CCDC77: variants seen among roughly 807,000 people sequenced by gnomAD.
CCDC77 encodes coiled-coil domain containing 77.
CCDC77 carries 56 observed loss-of-function variants against 66.8 expected under a neutral mutation model. That is an observed-to-expected ratio of 0.84 (90% confidence interval 0.68 to 1.05). CCDC77 has a LOEUF of 1.05. CCDC77 is among the 50% of genes least tolerant of loss of function. The pLI is 0.00. For missense variants in CCDC77, 570 were observed against 576.8 expected, an observed-to-expected ratio of 0.99 and a Z score of 0.12; for synonymous variants, 196 against 195.2, an observed-to-expected ratio of 1.00 and a Z score of -0.03.
chr12:441,666 C>G, intron 12 of CCDC77, 108 bp from the exon 13 acceptor site: 2 of 1,196,940 alleles, frequency 1.7e-6, no homozygotes. Flanking sequence ...CCTATGTACT[C>G]AAAATCTCAC....
chr12:391,910 G>A (rs1155942), intron 1 of CCDC77, among the ~76,000 whole-genome samples: 7 of 152,224 alleles, frequency 4.6e-5, no homozygotes, highest in African/African-American at 1.7e-4. Flanking sequence ...AGAAACTTCT[G>A]TAGTTACAAC....
At position 436,457 on chromosome 12, in the gene CCDC77, C is replaced by G. The variant is rs561076307; in HGVS notation, c.822-1878C>G. ...GCCAAGCTGGTCTCGATCCTGACCT[C>G]AGGTAACCTGCCCACCTCAGCCTCC... On this transcript the variant is annotated intron_variant, in intron 9 of 12. Transcript: ENST00000239830. Among the ~76,000 whole-genome samples, 8 of 152,226 alleles carry G rather than the reference C, an allele frequency of 5.3e-5. No homozygotes were observed. The South Asian group carries it at 1.5e-3, about 28-fold the overall frequency.
rs1565569230 is a variant in CCDC77 at position 416,385 on chromosome 12, A to ATG, written c.271-2108_271-2107insGT. ...TGTGTGTGTGTGTGTGTGTATATAT[A>ATG]TATATATATATATATATATATATAT... On this transcript the variant is annotated intron_variant, in intron 4 of 12. Transcript: ENST00000239830. Among the ~76,000 whole-genome samples the ATG allele has an allele frequency of 4.6e-3, 149 of 32,136 alleles. 6 individuals are homozygous for ATG. The highest frequency in any genetic ancestry group is 5.4e-3 in the African/African-American group (33 of 6,068). 21.1% of individuals were successfully genotyped at this position (32,136 alleles called of 152,430 possible). A position where few individuals can be genotyped will look rare whatever the true frequency, so the allele number is the denominator to read the frequency against.
chr12:411,765 A>G lies in CCDC77; in HGVS notation c.57A>G (p.Lys19=). ...PVCRKRTVVS[K]RGVAVSGPTK... is the part of the protein sequence containing the mutation. ...CACGTAGGCGAACAGTTGTCTCCAAACGTGGTGTTGCCGTCAGTGGTCCCA... is the reference window on the plus strand; with the variant it reads ...CACGTAGGCGAACAGTTGTCTCCAAGCGTGGTGTTGCCGTCAGTGGTCCCA... The change falls in exon 4 of 13, where the codon AAA becomes AAG. Residue 19 remains lysine, a synonymous_variant. Transcript: ENST00000239830. 6.2e-7 allele frequency: 1 copy of G among 1,613,634 alleles called. No individual in the cohort carries two copies. Among genetic ancestry groups the G allele is most frequent in the South Asian group, 1.1e-5 (1 of 91,052 alleles).
In CCDC77 at chr12:429,798, A is replaced by T. The variant is rs560429169; in HGVS notation, c.511-866A>T. Among the ~76,000 whole-genome samples the T allele has an allele frequency of 3.8e-3, 570 of 151,912 alleles. 4 individuals are homozygous for T. Among genetic ancestry groups the T allele is most frequent in the African/African-American group, 0.013 (538 of 41,438 alleles). On this transcript the variant is annotated intron_variant, in intron 6 of 12. Coordinates refer to ENST00000239830, the MANE Select transcript of CCDC77 (RefSeq NM_032358.4). The stretch of plus-strand genomic sequence containing the variant: ...AAAAAACAATAAAAATTTTAAAAAA[A>T]TTTTAGAGCTGAGGTCTTGGTATGT...
At chr12:423,736 A>C (rs562466593) in intron 5 of CCDC77, among the ~76,000 whole-genome samples, 45 of 151,394 alleles carry the variant, frequency 3.0e-4, no homozygotes, top group African/African-American at 9.5e-4. Context: ...GGCTCAAGCG[A>C]TTTGCCCACC....
intron 5 of CCDC77, among the ~76,000 whole-genome samples, chr12:425,985 CT>C (rs1945521053): frequency 6.6e-6 from 1 of 152,214 alleles, no homozygotes; most frequent in Admixed American, 6.5e-5. Context: ...CTGCCTCAGC[CT>C]CCCGAGTAGC....
In CCDC77 at chr12:413,776, C is replaced by T. The variant is rs574534460; in HGVS notation, c.270+1798C>T. ...CCGAGTAGCTGGGATTACAGGTGCACGCCACCACACCTGGCTAATTTTTTG... is the reference window on the plus strand; with the variant it reads ...CCGAGTAGCTGGGATTACAGGTGCATGCCACCACACCTGGCTAATTTTTTG... On this transcript the variant is annotated intron_variant, in intron 4 of 12. Coordinates refer to ENST00000239830, the MANE Select transcript of CCDC77 (RefSeq NM_032358.4). Among the ~76,000 whole-genome samples, 71 of 151,526 alleles carry T rather than the reference C, an allele frequency of 4.7e-4. 1 individual carries two copies. In the South Asian group the frequency reaches 6.6e-3, roughly 14 times the overall value.
At chr12:392,188 G>A (rs1944765458) in intron 1 of CCDC77, among the ~76,000 whole-genome samples, 3 of 151,972 alleles carry the variant, frequency 2.0e-5, no homozygotes, top group Admixed American at 2.0e-4. Context: ...AAAAATTAGA[G>A]TATTATTTAT....
chr12:439,262 G>C (rs556497365), intron 10 of CCDC77, among the ~76,000 whole-genome samples: 23 of 152,068 alleles, frequency 1.5e-4, no homozygotes, highest in Non-Finnish European at 2.4e-4. Context: ...GCTCACACCT[G>C]TAATCCCAGC....
intron 5 of CCDC77, among the ~76,000 whole-genome samples, chr12:423,479 G>GTTTTTTTTTTTTTTTTTTTTTTTTT (rs1289177296): frequency 4.7e-5 from 1 of 21,232 alleles, no homozygotes; most frequent in African/African-American, 1.6e-4. Flanking sequence ...TGTTTTTTGT[G>GTTTTTTTTTTTTTTTTTTTTTTTTT]TTTTTTTTTG....
At chr12:391,515 A>G (rs890775333) in intron 1 of CCDC77, among the ~76,000 whole-genome samples, 8 of 152,208 alleles carry the variant, frequency 5.3e-5, no homozygotes, top group African/African-American at 9.6e-5. Context: ...CTGGAAAACT[A>G]TATTATTCGG....
In CCDC77 at chr12:438,490, A is replaced by G; in HGVS notation, c.977A>G (p.Asp326Gly). 1 of 1,614,140 alleles carries G rather than the reference A, an allele frequency of 6.2e-7. No individual in the cohort carries two copies. The highest frequency in any genetic ancestry group is 1.1e-5 in the South Asian group (1 of 91,082). Residue 326 changes from aspartate to glycine, a missense_variant, in exon 10 of 13, where the codon GAT becomes GGT. Asp to Gly is a moderately conservative substitution (Grantham distance 94). Coordinates refer to ENST00000239830, the MANE Select transcript of CCDC77 (RefSeq NM_032358.4). ...AGGGTGCAGTGTAAGAAGAAAGAAG[A>G]TAAAATTGGAAAAGTGTTGCCCGTT... is the stretch of plus-strand genomic sequence containing the variant. ...QYRVQCKKKE[D>G]KIGKVLPVMH... is the part of the protein sequence containing the mutation.
At chr12:440,581 C>T (rs1474557573) in intron 10 of CCDC77, 36 bp from the exon 11 acceptor site, 2 of 1,609,908 alleles carry the variant, frequency 1.2e-6, no homozygotes, top group Admixed American at 1.7e-5. Flanking sequence ...AATTGTAGAA[C>T]TGAGTGTTAA....
Position 442,417 on chromosome 12 carries a change from A to G in CCDC77, c.*497A>G, listed in dbSNP as rs941960609. 6.6e-6 allele frequency: 1 copy of G among 152,594 alleles called. No individual in the cohort carries two copies. Among genetic ancestry groups the G allele is most frequent in the Non-Finnish European group, 1.5e-5 (1 of 68,322 alleles). The allele number at this position is 152,594 out of a possible 1,614,324, so 9.5% of individuals were successfully genotyped here. A position where few individuals can be genotyped will look rare whatever the true frequency, so the allele number is the denominator to read the frequency against. On this transcript the variant is annotated 3_prime_UTR_variant, in exon 13 of 13. Transcript: ENST00000239830. ...TGCTATTTCACCTTCCGTCCTGAGC[A>G]GAGCCTGAATTACGTTTTTGGGCAA...
At chr12:393,067 C>T (rs1944779560) in intron 1 of CCDC77, among the ~76,000 whole-genome samples, 1 of 151,756 alleles carries the variant, frequency 6.6e-6, no homozygotes, top group Non-Finnish European at 1.5e-5. Context: ...TGAAGAAAAA[C>T]CAGCACCACA....
chr12:408,185 T>C (rs1945035745), intron 2 of CCDC77, among the ~76,000 whole-genome samples: 2 of 152,102 alleles, frequency 1.3e-5, no homozygotes, highest in South Asian at 4.1e-4. Context: ...AGCGAATGCT[T>C]GATAAGAAAG....
chr12:430,804 C>A, intron 7 of CCDC77, 68 bp downstream of exon 7: 1 of 1,288,318 alleles, frequency 7.8e-7, no homozygotes, highest in Non-Finnish European at 1.1e-6. Flanking sequence ...GCAGGCTGGG[C>A]GCGGTGGCTC....
chr12:402,058 T>C (rs1426075625), intron 1 of CCDC77, among the ~76,000 whole-genome samples: 2 of 152,204 alleles, frequency 1.3e-5, no homozygotes, highest in Non-Finnish European at 2.9e-5. Context: ...GTTGGGATAA[T>C]AAATTGTACA....
Sources: gnomAD v4.1 joint callset for allele counts (sites outside exome capture counted in the v4.1 genomes callset) on GRCh38, gnomAD v4.1.1 for gene constraint, MANE v1.5 for transcripts, NCBI Gene and HGNC (gene_info 2026-07-23, HGNC 2026-07-21) for gene names.